SH3GL3: variants seen among roughly 807,000 people sequenced by gnomAD.
SH3GL3 encodes endophilin-A3.
SH3GL3 carries 33 observed loss-of-function variants against 47.7 expected under a neutral mutation model. The observed-to-expected ratio is 0.69, with a 90% CI of 0.52 to 0.92. The LOEUF (loss-of-function observed/expected upper bound fraction) is 0.92. Ranked by LOEUF, SH3GL3 falls within the 40% of genes least tolerant of loss-of-function variation. SH3GL3 has a pLI of 0.00. For synonymous variants in SH3GL3, 155 were observed against 148.8 expected, an observed-to-expected ratio of 1.04 and a Z score of -0.30; for missense variants, 363 against 417.8, an observed-to-expected ratio of 0.87 and a Z score of 1.14.
chr15:83,559,169 T>C, intron 1 of SH3GL3, 84 bp from the exon 2 acceptor site: 1 of 811,458 alleles, frequency 1.2e-6, no homozygotes, highest in Non-Finnish European at 2.0e-6. Flanking sequence ...TCCAAGTTTT[T>C]TTGTTTCTGT....
chr15:83,480,593 A>G (rs1313606991), intron 1 of SH3GL3, among the ~76,000 whole-genome samples: 1 of 152,204 alleles, frequency 6.6e-6, no homozygotes, highest in East Asian at 1.9e-4. Flanking sequence ...GCCAGCCCTT[A>G]GTATCCATGG....
chr15:83,562,102 CTAGGAGGGAGATTTTGT>C (rs2045319882), intron 2 of SH3GL3, among the ~76,000 whole-genome samples: 3 of 148,810 alleles, frequency 2.0e-5, no homozygotes, highest in African/African-American at 7.5e-5. Context: ...CCTAGTTATT[CTAGGAGGGAGATTTTGT>C]TTTTAAGCTA....
At chr15:83,544,794 AT>A (rs921761992) in intron 1 of SH3GL3, among the ~76,000 whole-genome samples, 11 of 152,266 alleles carry the variant, frequency 7.2e-5, no homozygotes, top group African/African-American at 2.4e-4. Flanking sequence ...GTAGGATACA[AT>A]ATTCCAGGAT....
chr15:83,632,570 ACT>A, the SH3GL3 span, among the ~76,000 whole-genome samples: 1 of 152,220 alleles, frequency 6.6e-6, no homozygotes. Flanking sequence ...GCCTCAGGAA[ACT>A]CACAATCATG....
At chr15:83,540,318 A>G (rs1323125931) in intron 1 of SH3GL3, among the ~76,000 whole-genome samples, 2 of 152,176 alleles carry the variant, frequency 1.3e-5, no homozygotes, top group Admixed American at 6.5e-5. Context: ...GGTTCAAGTC[A>G]TGTTAATCTA....
Position 83,448,791 on chromosome 15 carries a change from C to T in SH3GL3, c.45+1213C>T, listed in dbSNP as rs1336712045. Among the ~76,000 whole-genome samples the T allele has an allele frequency of 6.6e-6, 1 of 152,252 alleles. No individual in the cohort carries two copies. Among genetic ancestry groups the T allele is most frequent in the Non-Finnish European group, 1.5e-5 (1 of 68,054 alleles). On this transcript the variant is annotated intron_variant, in intron 1 of 8. Coordinates refer to ENST00000427482, the MANE Select transcript of SH3GL3 (RefSeq NM_003027.5). The surrounding 1 kb of genome is among the most constrained non-coding windows in gnomAD (Gnocchi z 4.2). ...AGGCACTGCTGTCCCCTCACTCACACTCTTTCCATATGGAAACTGGGTGAT... is the reference window on the plus strand; with the variant it reads ...AGGCACTGCTGTCCCCTCACTCACATTCTTTCCATATGGAAACTGGGTGAT...
chr15:83,506,201 G>A (rs2042494896), intron 1 of SH3GL3, among the ~76,000 whole-genome samples: 1 of 151,876 alleles, frequency 6.6e-6, no homozygotes, highest in Non-Finnish European at 1.5e-5. Flanking sequence ...ACCTACATGT[G>A]GTGGTTTTAT....
At chr15:83,450,803 A>ATTTTTTTTT (rs2039723188) in intron 1 of SH3GL3, among the ~76,000 whole-genome samples, 1 of 5,714 alleles carries the variant, frequency 1.8e-4, no homozygotes, top group Non-Finnish European at 3.3e-4. Flanking sequence ...TTTTTTTTTT[A>ATTTTTTTTT]ATTTTTTTTT....
chr15:83,487,913 G>A (rs1398505361), intron 1 of SH3GL3: 2 of 135,926 alleles, frequency 1.5e-5, no homozygotes, highest in African/African-American at 2.8e-5. Context: ...GTCTTGCTCT[G>A]TCGCCTGGCT....
At chr15:83,502,395 C>T (rs754847073) in intron 1 of SH3GL3, among the ~76,000 whole-genome samples, 8 of 152,302 alleles carry the variant, frequency 5.3e-5, no homozygotes, top group Non-Finnish European at 8.8e-5. Context: ...CAGGAGAGGC[C>T]GAGGCCTCCA....
chr15:83,494,935 G>C (rs1382155942), intron 1 of SH3GL3, among the ~76,000 whole-genome samples: 2 of 152,150 alleles, frequency 1.3e-5, no homozygotes, highest in Non-Finnish European at 2.9e-5. Flanking sequence ...GCTGGTAGCG[G>C]AAGAGGGTGC....
chr15:83,576,554 C>T (rs1567003793), intron 5 of SH3GL3, 29 bp from the exon 6 acceptor site: 1 of 1,583,140 alleles, frequency 6.3e-7, no homozygotes, highest in Non-Finnish European at 8.6e-7. Context: ...TGTAGCACCT[C>T]TCTGAGGGAC....
At chr15:83,599,856 T>A (rs1332403866) in intron 8 of SH3GL3, among the ~76,000 whole-genome samples, 1 of 152,068 alleles carries the variant, frequency 6.6e-6, no homozygotes, top group African/African-American at 2.4e-5. Context: ...CAACATCTAT[T>A]TTTTTTAATA....
intron 1 of SH3GL3, among the ~76,000 whole-genome samples, chr15:83,541,625 G>A (rs1046795364): frequency 5.9e-5 from 9 of 152,042 alleles, no homozygotes; most frequent in African/African-American, 2.2e-4. Flanking sequence ...GCCAGCATTC[G>A]TTATTGCCTA....
At chr15:83,503,894 C>G (rs1491580) in intron 1 of SH3GL3, among the ~76,000 whole-genome samples, 13,453 of 152,214 alleles carry the variant, frequency 0.088, 797 homozygotes, top group East Asian at 0.26. Flanking sequence ...TTCCCCATGT[C>G]TTTATTAACA....
rs541105097 is a variant in SH3GL3 at position 83,463,196 on chromosome 15, C to T, written c.45+15618C>T. ...ATATCTCATTCTTTTCATGACTTAA[C>T]GTTCTGCACATATGCATACATTTCT... On this transcript the variant is annotated intron_variant, in intron 1 of 8. Transcript: ENST00000427482. 2.0e-5 allele frequency among the ~76,000 whole-genome samples: 3 copies of T among 152,310 alleles called. No homozygotes were observed. The East Asian group carries it at 5.8e-4, about 29-fold the overall frequency.
chr15:83,470,600 C>T (rs944448275), intron 1 of SH3GL3, among the ~76,000 whole-genome samples: 3 of 152,208 alleles, frequency 2.0e-5, no homozygotes, highest in African/African-American at 7.2e-5. Context: ...TTCCTTTTAA[C>T]TGGTGCATGT....
Position 83,507,423 on chromosome 15 carries a change from A to T in SH3GL3, c.46-51830A>T, listed in dbSNP as rs188117556. On this transcript the variant is annotated intron_variant, in intron 1 of 8. Coordinates refer to ENST00000427482, the MANE Select transcript of SH3GL3 (RefSeq NM_003027.5). The stretch of plus-strand genomic sequence containing the variant: ...TATTCATTCCTTTATTATTATTATT[A>T]TTTTTTTTTTGAGAGAGAGTCTCGC... Among the ~76,000 whole-genome samples the T allele has an allele frequency of 2.5e-3, 360 of 144,630 alleles. 4 individuals carry two copies. The East Asian group carries it at 0.027, about 11-fold the overall frequency. 94.9% of individuals were successfully genotyped at this position (144,630 alleles called of 152,430 possible).
At chr15:83,617,994 G>T (rs2060873327) in intron 8 of SH3GL3, 88 bp from the exon 9 acceptor site, 1 of 880,050 alleles carries the variant, frequency 1.1e-6, no homozygotes, top group Admixed American at 1.9e-5. Context: ...GCTGTTAAGG[G>T]TCTCTCTGAG....
Sources: allele counts gnomAD v4.1 joint callset (sites outside exome capture counted in the v4.1 genomes callset), GRCh38; gene constraint gnomAD v4.1.1; non-coding constraint Gnocchi (gnomAD v3.1); transcripts MANE v1.5; gene names NCBI Gene and HGNC (gene_info 2026-07-23, HGNC 2026-07-21).